The following TMTC1 variants were observed in gnomAD, a reference collection of about 807,000 sequenced individuals.
TMTC1 encodes the protein protein O-mannosyl-transferase TMTC1.
A neutral mutation model predicts 104.8 loss-of-function variants in TMTC1; 73 were observed. That is an observed-to-expected ratio of 0.70 (90% CI 0.58 to 0.85). TMTC1 has a LOEUF of 0.85. TMTC1 is among the 40% of genes least tolerant of loss of function. TMTC1 has a pLI of 0.00. For synonymous variants in TMTC1, 434 were observed against 428.7 expected (o/e 1.01, Z -0.15); for missense variants, 1,035 against 1,096.1 (o/e 0.94, Z 0.79).
intron 5 of TMTC1, among the ~76,000 whole-genome samples, chr12:29,738,240 T>A (rs1268956161): frequency 6.6e-6 from 1 of 152,194 alleles, no homozygotes; most frequent in East Asian, 1.9e-4. Flanking sequence ...GACTCCAGAA[T>A]CCATGTACCT....
intron 5 of TMTC1, among the ~76,000 whole-genome samples, chr12:29,652,186 A>G (rs980782781): frequency 6.6e-6 from 1 of 152,234 alleles, no homozygotes; most frequent in Non-Finnish European, 1.5e-5. Flanking sequence ...TGTAGAGTTT[A>G]GCAGGAAAGG....
chr12:29,772,751 T>C (rs968513574), intron 1 of TMTC1, among the ~76,000 whole-genome samples: 1 of 152,164 alleles, frequency 6.6e-6, no homozygotes, highest in African/African-American at 2.4e-5. Flanking sequence ...AAATACCATC[T>C]AAAAAGAACA....
At position 29,604,273 on chromosome 12, in the gene TMTC1, G is replaced by A. The variant is rs747403622; in HGVS notation, c.1155C>T (p.Val385=). 2.4e-5 allele frequency: 39 copies of A among 1,613,790 alleles called. No individual in the cohort carries two copies. The highest frequency in any genetic ancestry group is 8.9e-5 in the East Asian group (4 of 44,868). Residue 385 remains valine (V), a synonymous_variant, in exon 7 of 18, where the codon GTC becomes GTT. Transcript: ENST00000539277. ...FKRLEHKEVL[V]GLLFLVFPFI... is the part of the protein sequence containing the mutation. ...ACGGGAACACCAGGAACAACAAGCC[G>A]ACTAAAACCTCCTTGTGCTCCAGTC... is the stretch of plus-strand genomic sequence containing the variant.
chr12:29,546,145 T>C (rs946576453), intron 10 of TMTC1, among the ~76,000 whole-genome samples: 1 of 152,180 alleles, frequency 6.6e-6, no homozygotes, highest in Non-Finnish European at 1.5e-5. Context: ...GGCCCTGGGC[T>C]CTCTCCTCAC....
chr12:29,575,481 C>T (rs939020509), intron 8 of TMTC1, among the ~76,000 whole-genome samples: 8 of 151,776 alleles, frequency 5.3e-5, no homozygotes, highest in African/African-American at 1.7e-4. Flanking sequence ...TGGGCGCCAC[C>T]CCTACCTCAA....
At chr12:29,612,700 C>A (rs1466347628) in intron 6 of TMTC1, among the ~76,000 whole-genome samples, 1 of 152,204 alleles carries the variant, frequency 6.6e-6, no homozygotes, top group Non-Finnish European at 1.5e-5. Context: ...CAGGCATGAG[C>A]CACTGTACCT....
At chr12:29,646,606 C>A (rs1250784622) in intron 5 of TMTC1, among the ~76,000 whole-genome samples, 1 of 152,206 alleles carries the variant, frequency 6.6e-6, no homozygotes, top group Non-Finnish European at 1.5e-5. Flanking sequence ...GTGACTCCCT[C>A]TTCTCTCCCT....
intron 5 of TMTC1, among the ~76,000 whole-genome samples, chr12:29,664,224 A>T (rs1327694328): frequency 1.3e-5 from 2 of 150,354 alleles, no homozygotes; most frequent in Non-Finnish European, 3.0e-5. Context: ...ATAAAAAAAT[A>T]AAAAAAATAA....
chr12:29,585,756 C>G (rs1033715261), intron 7 of TMTC1, among the ~76,000 whole-genome samples: 2 of 152,144 alleles, frequency 1.3e-5, no homozygotes, highest in East Asian at 3.8e-4. Context: ...TGTAGATATG[C>G]AGCATTATTT....
At chr12:29,596,263 T>A (rs927516761) in intron 7 of TMTC1, among the ~76,000 whole-genome samples, 2 of 152,202 alleles carry the variant, frequency 1.3e-5, no homozygotes, top group African/African-American at 2.4e-5. Context: ...CCCCTTGGCC[T>A]CCCAAAGTGC....
chr12:29,691,389 C>A (rs913003250), intron 5 of TMTC1, among the ~76,000 whole-genome samples: 1 of 152,104 alleles, frequency 6.6e-6, no homozygotes, highest in African/African-American at 2.4e-5. Context: ...AGCCCCTACC[C>A]GCCAGATTAT....
At chr12:29,517,877 GCT>G (rs1215541175) in intron 13 of TMTC1, among the ~76,000 whole-genome samples, 7 of 152,042 alleles carry the variant, frequency 4.6e-5, no homozygotes, top group Admixed American at 4.6e-4. Flanking sequence ...ATCATGCCCG[GCT>G]AATTTTTGTA....
At chr12:29,780,141 C>T (rs939654916) in intron 1 of TMTC1, among the ~76,000 whole-genome samples, 4 of 152,176 alleles carry the variant, frequency 2.6e-5, no homozygotes, top group African/African-American at 9.7e-5. Flanking sequence ...AGCAATTGGA[C>T]TCCTGGGCAT....
At chr12:29,663,923 G>A (rs1369559702) in intron 5 of TMTC1, among the ~76,000 whole-genome samples, 1 of 152,260 alleles carries the variant, frequency 6.6e-6, no homozygotes, top group Non-Finnish European at 1.5e-5. Flanking sequence ...TTCTCAAGAA[G>A]CTAAAGGCAC....
At position 29,545,629 on chromosome 12, in the gene TMTC1, T is replaced by TCACACACACACA. The variant is rs55958433; in HGVS notation, c.1677-9324_1677-9313dup. 4.2e-3 allele frequency among the ~76,000 whole-genome samples: 307 copies of TCACACACACACA among 73,572 alleles called. 4 individuals carry two copies. Among genetic ancestry groups the TCACACACACACA allele is most frequent in the African/African-American group, 0.015 (266 of 17,520 alleles). The allele number at this position is 73,572 out of a possible 152,430, so 48.3% of individuals were successfully genotyped here. ...GTCTGGGCAACAGAGCAAGACTCTG[T>TCACACACACACA]CACACACACACACACACACACACAC... On this transcript the variant is annotated intron_variant, in intron 10 of 17. Coordinates refer to ENST00000539277, the MANE Select transcript of TMTC1 (RefSeq NM_001193451.2).
At chr12:29,664,479 T>C (rs7136275) in intron 5 of TMTC1, among the ~76,000 whole-genome samples, 139,219 of 152,196 alleles carry the variant, frequency 0.91, 64,277 homozygotes, top group East Asian at 1. Flanking sequence ...CCTCTTCCCC[T>C]ACCCACACCA....
intron 2 of TMTC1, among the ~76,000 whole-genome samples, chr12:29,763,498 G>T (rs1389866427): frequency 2.6e-5 from 4 of 152,182 alleles, no homozygotes; most frequent in African/African-American, 7.2e-5. Context: ...CATTTTCCAA[G>T]TGCTTCCTCT....
chr12:29,512,040 T>C lies in TMTC1; in HGVS notation c.2508+3A>G. 2 of 1,613,758 alleles carry C rather than the reference T, an allele frequency of 1.2e-6. No individual in the cohort carries two copies. Among genetic ancestry groups the C allele is most frequent in the Non-Finnish European group, 1.7e-6 (2 of 1,179,604 alleles). ...TCCACATGGGAGTGAATTATTCTCCTACCTTGATGTGTTGGATGCCACCCA... is the reference window on the plus strand; with the variant it reads ...TCCACATGGGAGTGAATTATTCTCCCACCTTGATGTGTTGGATGCCACCCA... On this transcript the variant is annotated splice_donor_region_variant and intron_variant, in intron 17 of 17. Transcript: ENST00000539277.
chr12:29,666,720 T>C (rs1042242986), intron 5 of TMTC1, among the ~76,000 whole-genome samples: 1 of 152,206 alleles, frequency 6.6e-6, no homozygotes, highest in African/African-American at 2.4e-5. Context: ...GAAATTAGTC[T>C]TTCCAGCTGT....
Sources: allele counts gnomAD v4.1 joint callset (sites outside exome capture counted in the v4.1 genomes callset), GRCh38; gene constraint gnomAD v4.1.1; transcripts MANE v1.5; gene names NCBI Gene and HGNC (gene_info 2026-07-23, HGNC 2026-07-21).